The following CNTN5 variants were observed in gnomAD, a reference collection of about 807,000 sequenced individuals.
CNTN5 encodes contactin 5, also known as contactin-5.
A neutral mutation model predicts 129.1 loss-of-function variants in CNTN5; 77 were observed. The observed-to-expected ratio is 0.60, with a 90% confidence interval of 0.50 to 0.72. The LOEUF (loss-of-function observed/expected upper bound fraction) is 0.72. Ranked by LOEUF, CNTN5 falls within the 30% of genes least tolerant of loss-of-function variation. CNTN5 has a pLI of 0.00. For missense variants in CNTN5, 1,478 were observed against 1,328.8 expected (o/e 1.11, Z -1.75); for synonymous variants, 509 against 465.6 (o/e 1.09, Z -1.20).
chr11:99,719,394 G>T (rs1011479275), intron 3 of CNTN5, among the ~76,000 whole-genome samples: 1 of 152,086 alleles, frequency 6.6e-6, no homozygotes, highest in African/African-American at 2.4e-5. Flanking sequence ...AGGAGCTTAT[G>T]TGAGGATATA....
chr11:100,025,814 C>T (rs890221752), intron 9 of CNTN5, among the ~76,000 whole-genome samples: 1 of 152,126 alleles, frequency 6.6e-6, no homozygotes, highest in African/African-American at 2.4e-5. Context: ...ATTTGTTTAC[C>T]CAATGCCTGT....
chr11:99,393,908 A>G (rs998677827), intron 2 of CNTN5, among the ~76,000 whole-genome samples: 5 of 151,784 alleles, frequency 3.3e-5, no homozygotes, highest in African/African-American at 1.2e-4. Flanking sequence ...TAAATAGCCT[A>G]TAGGTACACA....
chr11:99,619,449 A>G (rs1950862191), intron 3 of CNTN5, among the ~76,000 whole-genome samples: 1 of 152,102 alleles, frequency 6.6e-6, no homozygotes, highest in Admixed American at 6.5e-5. Context: ...ATGATTTTTA[A>G]GTATAAAATT....
intron 1 of CNTN5, among the ~76,000 whole-genome samples, chr11:99,151,065 C>A (rs952333421): frequency 6.6e-6 from 1 of 152,106 alleles, no homozygotes; most frequent in East Asian, 1.9e-4. Flanking sequence ...GGTTCAATGA[C>A]AAAAATATTT....
At chr11:99,555,163 C>T (rs1277079894) in intron 2 of CNTN5, among the ~76,000 whole-genome samples, 1 of 151,922 alleles carries the variant, frequency 6.6e-6, no homozygotes. Context: ...GGAAAAAATA[C>T]GTGTCTATAT....
At chr11:99,271,767 G>T (rs546923791) in intron 1 of CNTN5, among the ~76,000 whole-genome samples, 1 of 151,884 alleles carries the variant, frequency 6.6e-6, no homozygotes, top group Admixed American at 6.6e-5. Context: ...GCCCTTAGTC[G>T]CTTGCCACAT....
intron 3 of CNTN5, among the ~76,000 whole-genome samples, chr11:99,684,894 A>G (rs1036381772): frequency 7.1e-6 from 1 of 140,500 alleles, no homozygotes; most frequent in Non-Finnish European, 1.5e-5. Context: ...TGTTGGAAAA[A>G]ACAAATTTTT....
chr11:99,245,819 G>A (rs904469579), intron 1 of CNTN5, among the ~76,000 whole-genome samples: 17 of 152,196 alleles, frequency 1.1e-4, no homozygotes, highest in Middle Eastern at 6.8e-3. Context: ...ACTGTCTTGC[G>A]TATCACAATA....
intron 1 of CNTN5, among the ~76,000 whole-genome samples, chr11:99,139,716 A>T (rs1859421032): frequency 6.6e-6 from 1 of 152,190 alleles, no homozygotes; most frequent in Admixed American, 6.5e-5. Context: ...TCAAAATAAA[A>T]CAATAAAAAT....
In CNTN5 at chr11:99,487,539, T is replaced by G. The variant is rs145703043; in HGVS notation, c.-70-68606T>G. 5.8e-3 allele frequency among the ~76,000 whole-genome samples: 879 copies of G among 152,318 alleles called. 9 individuals carry two copies. The highest frequency in any genetic ancestry group is 0.02 in the African/African-American group (851 of 41,564). ...AGCCAGACATCCCTGTAGAAGAATT[T>G]ACAAAATCAAACGTAATAGTCTTTG... On this transcript the variant is annotated intron_variant, in intron 2 of 24. Transcript: ENST00000524871.
chr11:99,641,525 C>T (rs7949294), intron 3 of CNTN5, among the ~76,000 whole-genome samples: 91,366 of 151,886 alleles, frequency 0.6, 28,312 homozygotes, highest in Admixed American at 0.69. Flanking sequence ...TGGAAGTTCA[C>T]GGGTGGAGAA....
At chr11:99,383,557 A>T (rs1383661888) in intron 2 of CNTN5, among the ~76,000 whole-genome samples, 1 of 150,246 alleles carries the variant, frequency 6.7e-6, no homozygotes, top group Non-Finnish European at 1.5e-5. Context: ...CTCGTGGTTG[A>T]TACTCATTTA....
chr11:99,213,374 G>GTATATACATATATACACGTGTATATATA (rs1555079594), intron 1 of CNTN5, among the ~76,000 whole-genome samples: 4,751 of 103,504 alleles, frequency 0.046, 301 homozygotes, highest in East Asian at 0.29. Flanking sequence ...ATGTATATAT[G>GTATATACATATATACACGTGTATATATA]TATATACATA....
At chr11:99,208,832 A>G (rs1859617002) in intron 1 of CNTN5, among the ~76,000 whole-genome samples, 1 of 152,128 alleles carries the variant, frequency 6.6e-6, no homozygotes, top group Admixed American at 6.5e-5. Flanking sequence ...TCCTTATTAA[A>G]TGCAAGGAGG....
intron 1 of CNTN5, among the ~76,000 whole-genome samples, chr11:99,204,010 T>C (rs1290054862): frequency 6.6e-6 from 1 of 152,234 alleles, no homozygotes; most frequent in Non-Finnish European, 1.5e-5. Flanking sequence ...AGATTATAAA[T>C]TAATCCAAAA....
intron 3 of CNTN5, among the ~76,000 whole-genome samples, chr11:99,614,145 C>T (rs1444151679): frequency 6.6e-6 from 1 of 152,096 alleles, no homozygotes; most frequent in Non-Finnish European, 1.5e-5. Flanking sequence ...ATTTTTTATC[C>T]AAATGTAGCA....
At chr11:99,599,026 TC>T (rs1430259304) in intron 3 of CNTN5, among the ~76,000 whole-genome samples, 1 of 152,060 alleles carries the variant, frequency 6.6e-6, no homozygotes, top group African/African-American at 2.4e-5. Context: ...TTTAAGAAAA[TC>T]AAAATTATGA....
At chr11:99,500,377 A>C (rs1946383079) in intron 2 of CNTN5, among the ~76,000 whole-genome samples, 1 of 152,186 alleles carries the variant, frequency 6.6e-6, no homozygotes, top group Non-Finnish European at 1.5e-5. Context: ...GTTTTAATGG[A>C]AGATAAACAA....
At chr11:100,237,674 T>C (rs913299432) in intron 16 of CNTN5, among the ~76,000 whole-genome samples, 1 of 152,206 alleles carries the variant, frequency 6.6e-6, no homozygotes, top group Non-Finnish European at 1.5e-5. Flanking sequence ...ACCAGATGAT[T>C]CTTTTTAATG....
Sources: allele counts gnomAD v4.1 joint callset (sites outside exome capture counted in the v4.1 genomes callset), GRCh38; gene constraint gnomAD v4.1.1; transcripts MANE v1.5; gene names NCBI Gene and HGNC (gene_info 2026-07-23, HGNC 2026-07-21).